Variants in KCNN2 observed in about 807,000 individuals in gnomAD.
KCNN2 encodes the protein potassium calcium-activated channel subfamily N member 2.
A neutral mutation model predicts 55.5 loss-of-function variants in KCNN2; 24 were observed. The ratio of observed to expected loss-of-function variants is 0.43; its 90% CI spans 0.31 to 0.61. The LOEUF is 0.61. Ranked by LOEUF, KCNN2 falls within the 20% of genes least tolerant of loss-of-function variation. KCNN2 has a pLI of 0.08. For missense variants in KCNN2, 754 were observed against 853.6 expected, an observed-to-expected ratio of 0.88 and a Z score of 1.45; for synonymous variants, 431 against 336.1, an observed-to-expected ratio of 1.28 and a Z score of -3.09.
Position 114,486,918 on chromosome 5 carries a change from T to C in KCNN2, c.1891-132T>C. The C allele has an allele frequency of 2.5e-6, 3 of 1,217,284 alleles. No individual in the cohort carries two copies. In the East Asian group the frequency reaches 7.3e-5, roughly 30 times the overall value. The allele number at this position is 1,217,284 out of a possible 1,614,324, so 75.4% of individuals were successfully genotyped here. ...AAAGGCATAGATTAAAGAAAAATGGTATTTGGAGTCATGGTTACTAAATGA... is the reference window on the plus strand; with the variant it reads ...AAAGGCATAGATTAAAGAAAAATGGCATTTGGAGTCATGGTTACTAAATGA... On this transcript the variant is annotated intron_variant, in intron 5 of 7. Coordinates refer to ENST00000673685, the MANE Select transcript of KCNN2 (RefSeq NM_021614.4).
At chr5:114,376,867 G>A (rs1485286410) in intron 2 of KCNN2, among the ~76,000 whole-genome samples, 1 of 152,102 alleles carries the variant, frequency 6.6e-6, no homozygotes, top group African/African-American at 2.4e-5. Context: ...AGGATTGCTT[G>A]AAGGAAGCCG....
intron 2 of KCNN2, among the ~76,000 whole-genome samples, chr5:114,370,759 G>A (rs544843918): frequency 6.6e-6 from 1 of 152,138 alleles, no homozygotes; most frequent in South Asian, 2.1e-4. Flanking sequence ...CAGAATGGGA[G>A]GGGATAAAGG....
intron 2 of KCNN2, among the ~76,000 whole-genome samples, chr5:114,256,304 T>C (rs748460919): frequency 1.3e-4 from 20 of 152,182 alleles, no homozygotes; most frequent in Non-Finnish European, 2.4e-4. Flanking sequence ...ATTGATCCCA[T>C]AGCTTGGCTA....
Position 114,251,539 on chromosome 5 carries a change from G to C in KCNN2, c.-185+29974G>C, listed in dbSNP as rs7714491. 7.9e-3 allele frequency among the ~76,000 whole-genome samples: 1,207 copies of C among 152,194 alleles called. 24 individuals carry two copies. The highest frequency in any genetic ancestry group is 0.027 in the African/African-American group (1,105 of 41,510). On this transcript the variant is annotated intron_variant, in intron 2 of 10. Coordinates refer to the KCNN2 transcript ENST00000512097. ...TAAATAAATGCTAGTTATTATTGTTGTTCTTATTTGGTTCTTTCCAAATGC... is the reference window on the plus strand; with the variant it reads ...TAAATAAATGCTAGTTATTATTGTTCTTCTTATTTGGTTCTTTCCAAATGC...
intron 1 of KCNN2, among the ~76,000 whole-genome samples, chr5:114,156,248 T>TG (rs1752632342): frequency 6.6e-6 from 1 of 152,292 alleles, no homozygotes; most frequent in South Asian, 2.1e-4. Flanking sequence ...TATGTGTCTG[T>TG]TCTTGTACCA....
rs540964185 is a variant in KCNN2, at chr5:114,418,289, TACTG to T, written c.1637+13435_1637+13438del. ...GTGATTCAGGAGCAAAAATAGCACT[TACTG>T]AATATCTGAAAGACTGCAGACAAAT... On this transcript the variant is annotated intron_variant, in intron 3 of 7. Transcript: ENST00000673685. Among the ~76,000 whole-genome samples the T allele has an allele frequency of 1.6e-3, 247 of 152,314 alleles. 3 individuals are homozygous for T. In the South Asian group the frequency reaches 0.024, roughly 15 times the overall value.
chr5:114,209,866 C>T (rs1753845108), intron 1 of KCNN2, among the ~76,000 whole-genome samples: 1 of 152,110 alleles, frequency 6.6e-6, no homozygotes, highest in South Asian at 2.1e-4. Context: ...ACATTCATTC[C>T]TCATTATTCA....
chr5:114,295,505 T>G lies in KCNN2; in HGVS notation c.-184-65440T>G, dbSNP rs6864238. On this transcript the variant is annotated intron_variant, in intron 2 of 10. Coordinates refer to the KCNN2 transcript ENST00000512097. The stretch of plus-strand genomic sequence containing the variant: ...CATGGGCATGGGACCCTCCGAGCCA[T>G]GTGCGGGATATAATCTCCTGGTGTG... 2.2e-3 allele frequency among the ~76,000 whole-genome samples: 340 copies of G among 152,286 alleles called. 2 individuals carry two copies. Among genetic ancestry groups the G allele is most frequent in the African/African-American group, 8.1e-3 (336 of 41,570 alleles).
chr5:114,066,176 G>A (rs1230418671), intron 1 of KCNN2, among the ~76,000 whole-genome samples: 1 of 152,176 alleles, frequency 6.6e-6, no homozygotes, highest in Non-Finnish European at 1.5e-5. Flanking sequence ...AGGACCAGAT[G>A]TATTCAGGAT....
intron 1 of KCNN2, among the ~76,000 whole-genome samples, chr5:114,172,474 AC>A (rs758384034): frequency 3.3e-5 from 5 of 151,590 alleles, no homozygotes; most frequent in Non-Finnish European, 7.4e-5. Flanking sequence ...CAAGTTCTTA[AC>A]AATTAGAGAA....
chr5:114,475,713 G>T (rs1272969692), intron 5 of KCNN2, among the ~76,000 whole-genome samples: 3 of 151,996 alleles, frequency 2.0e-5, no homozygotes, highest in African/African-American at 7.2e-5. Flanking sequence ...ATGCACGTGT[G>T]CTTGTGCTCA....
chr5:114,183,779 G>T (rs1753280974), intron 1 of KCNN2, among the ~76,000 whole-genome samples: 1 of 146,148 alleles, frequency 6.8e-6, no homozygotes, highest in Non-Finnish European at 1.5e-5. Context: ...TCAGAATTTT[G>T]TTGATCTTTT....
intron 3 of KCNN2, among the ~76,000 whole-genome samples, chr5:114,409,967 T>C (rs945409599): frequency 6.6e-6 from 1 of 152,178 alleles, no homozygotes; most frequent in African/African-American, 2.4e-5. Flanking sequence ...AATAAGCAGC[T>C]TCCCCAGACC....
intron 3 of KCNN2, among the ~76,000 whole-genome samples, chr5:114,414,310 C>A (rs1323608764): frequency 6.6e-6 from 1 of 152,110 alleles, no homozygotes; most frequent in Non-Finnish European, 1.5e-5. Context: ...AATGGACTTG[C>A]TTACTATTAT....
At chr5:114,407,259 C>T (rs1426516971) in intron 3 of KCNN2, among the ~76,000 whole-genome samples, 1 of 151,948 alleles carries the variant, frequency 6.6e-6, no homozygotes. Context: ...TAATGGCCCT[C>T]CTATATTATT....
chr5:114,241,782 A>ATGTGTGTG (rs1561537164), intron 2 of KCNN2, among the ~76,000 whole-genome samples: 1 of 24,764 alleles, frequency 4.0e-5, no homozygotes, highest in African/African-American at 1.7e-4. Context: ...ATACATATAT[A>ATGTGTGTG]CGTATATATA....
chr5:114,113,791 C>A (rs1337272475), intron 1 of KCNN2, among the ~76,000 whole-genome samples: 1 of 152,066 alleles, frequency 6.6e-6, no homozygotes, highest in African/African-American at 2.4e-5. Context: ...TGCCAACTTT[C>A]TGTCTTCTTC....
chr5:114,479,974 A>G (rs1368116920), intron 5 of KCNN2, among the ~76,000 whole-genome samples: 5 of 152,082 alleles, frequency 3.3e-5, no homozygotes, highest in African/African-American at 1.2e-4. Flanking sequence ...CCAAGAACAA[A>G]CAAACCCCAA....
chr5:114,141,982 G>T (rs1412634859), intron 1 of KCNN2, among the ~76,000 whole-genome samples: 4 of 152,032 alleles, frequency 2.6e-5, no homozygotes, highest in Non-Finnish European at 4.4e-5. Context: ...GGGGTTGTTT[G>T]TTTTTTTCTT....
Sources: gnomAD v4.1 joint callset for allele counts (sites outside exome capture counted in the v4.1 genomes callset) on GRCh38, gnomAD v4.1.1 for gene constraint, MANE v1.5 for transcripts, NCBI Gene and HGNC (gene_info 2026-07-23, HGNC 2026-07-21) for gene names.